Variants in CCDC150 observed in about 807,000 individuals in gnomAD.
The protein encoded by CCDC150 is coiled-coil domain containing 150.
CCDC150 carries 151 observed loss-of-function variants against 156.5 expected under a neutral mutation model. The observed-to-expected ratio is 0.97, with a 90% confidence interval of 0.85 to 1.10. CCDC150 has a LOEUF of 1.10. Ranked by LOEUF, CCDC150 falls within the 50% of genes least tolerant of loss-of-function variation. The pLI is 0.00. For missense variants in CCDC150, 1,312 were observed against 1,268.1 expected (o/e 1.03, Z -0.53); for synonymous variants, 452 against 429.4 (o/e 1.05, Z -0.65).
chr2:196,667,044 C>A, intron 7 of CCDC150, 196 bp downstream of exon 7: 1 of 596,530 alleles, frequency 1.7e-6, no homozygotes, highest in Non-Finnish European at 3.0e-6. Context: ...TATATTTGAC[C>A]CTGTTAATTG....
At chr2:196,666,546 G>C (rs192171146) in intron 6 of CCDC150, among the ~76,000 whole-genome samples, 173 bp from the exon 7 acceptor site, 15 of 152,274 alleles carry the variant, frequency 9.9e-5, no homozygotes, top group African/African-American at 3.4e-4. Context: ...GGTTCTATTG[G>C]ATGGCACTGC....
At position 196,639,734 on chromosome 2, in the gene CCDC150, C is replaced by A; in HGVS notation, c.-33C>A. On this transcript the variant is annotated 5_prime_UTR_variant, in exon 1 of 28. Transcript: ENST00000389175. The stretch of plus-strand genomic sequence containing the variant: ...TGTGTTAGTTCCACGGAAACCCGCT[C>A]GCCTGCTGCAGTACGGAGCCTCAGG... 6.5e-7 allele frequency: 1 copy of A among 1,532,508 alleles called. No individual in the cohort carries two copies. 94.9% of individuals were successfully genotyped at this position (1,532,508 alleles called of 1,614,324 possible). A position where few individuals can be genotyped will look rare whatever the true frequency, so the allele number is the denominator to read the frequency against.
rs397987214 is a variant in CCDC150, at chr2:196,671,427, CTTTTTTTTTTT to C, written c.937-908_937-898del. On this transcript the variant is annotated intron_variant, in intron 8 of 27. Coordinates refer to ENST00000389175, the MANE Select transcript of CCDC150 (RefSeq NM_001080539.2). Reference sequence around the variant, plus strand: ...GCACATTTTTCTTTCTTTTCTCTCTCTTTTTTTTTTTTTTTTTTTTGAGACGGAGTCTCACT... The same window carrying C: ...GCACATTTTTCTTTCTTTTCTCTCTCTTTTTTTTTGAGACGGAGTCTCACT... 1.8e-4 allele frequency among the ~76,000 whole-genome samples: 20 copies of C among 108,652 alleles called. No homozygotes were observed. The East Asian group carries it at 3.2e-3, about 17-fold the overall frequency. 71.3% of individuals were successfully genotyped at this position (108,652 alleles called of 152,430 possible).
chr2:196,655,949 A>G (rs1693162176), intron 2 of CCDC150, among the ~76,000 whole-genome samples: 1 of 152,106 alleles, frequency 6.6e-6, no homozygotes. Flanking sequence ...AGCCCAGTTA[A>G]TTCCCTGATG....
intron 5 of CCDC150, among the ~76,000 whole-genome samples, chr2:196,662,269 T>C (rs1167817629): frequency 1.3e-5 from 2 of 152,152 alleles, no homozygotes; most frequent in African/African-American, 4.8e-5. Context: ...AAATGGTCAA[T>C]AGATTTGACC....
chr2:196,651,309 AATTG>A (rs1449197315), intron 2 of CCDC150, among the ~76,000 whole-genome samples: 1 of 152,230 alleles, frequency 6.6e-6, no homozygotes, highest in African/African-American at 2.4e-5. Context: ...CTAGAGATAT[AATTG>A]ATTAATAACC....
intron 12 of CCDC150, chr2:196,676,969 C>T (rs1477630388): frequency 3.1e-6 from 2 of 643,908 alleles, no homozygotes; most frequent in East Asian, 5.8e-5. Context: ...ATTCACACAT[C>T]CTGGTGTTAG....
chr2:196,698,940 T>C (rs111942386), intron 14 of CCDC150, among the ~76,000 whole-genome samples: 6 of 152,324 alleles, frequency 3.9e-5, no homozygotes, highest in African/African-American at 1.2e-4. Flanking sequence ...TGTGGTATTA[T>C]TGACCATCCT....
At chr2:196,717,851 A>T (rs1697628273) in intron 17 of CCDC150, among the ~76,000 whole-genome samples, 1 of 150,906 alleles carries the variant, frequency 6.6e-6, no homozygotes. Context: ...AGATCATGCC[A>T]TTGCACTCCA....
chr2:196,665,636 C>A lies in CCDC150; in HGVS notation c.715C>A (p.Leu239Ile). ...SLEKSASAMLLKIQEMGSTVE... is the reference protein window; with the variant it reads ...SLEKSASAMLIKIQEMGSTVE... ...AGAGAAATCAGCATCAGCCATGCTC[C>A]TCAAAATACAAGAAATGGGATCAAC... is the stretch of plus-strand genomic sequence containing the variant. Residue 239 changes from leucine (L) to isoleucine (I), a missense_variant, in exon 6 of 28, where the codon CTC (leucine) becomes ATC (isoleucine). Coordinates refer to ENST00000389175, the MANE Select transcript of CCDC150 (RefSeq NM_001080539.2). 1 of 1,603,908 alleles carries A rather than the reference C, an allele frequency of 6.2e-7. No homozygotes were observed. The highest frequency in any genetic ancestry group is 2.2e-5 in the East Asian group (1 of 44,482).
chr2:196,684,718 C>T (rs1439778723), intron 13 of CCDC150, among the ~76,000 whole-genome samples: 2 of 151,994 alleles, frequency 1.3e-5, no homozygotes, highest in East Asian at 1.9e-4. Flanking sequence ...GCTTCATATA[C>T]TTGTGGCCTC....
intron 19 of CCDC150, 55 bp downstream of exon 19, chr2:196,719,721 A>T: frequency 7.8e-7 from 1 of 1,287,478 alleles, no homozygotes; most frequent in South Asian, 2.1e-5. Context: ...ACTAAGGAGC[A>T]GTGTCAAGTC....
intron 17 of CCDC150, chr2:196,713,525 A>G (rs1055584221): frequency 1.3e-5 from 20 of 1,550,586 alleles, no homozygotes; most frequent in African/African-American, 9.6e-5. Context: ...CCTGCCTTCT[A>G]TGAAAACATC....
At chr2:196,661,755 GA>G (rs1351879836) in intron 5 of CCDC150, among the ~76,000 whole-genome samples, 1 of 152,136 alleles carries the variant, frequency 6.6e-6, no homozygotes, top group Non-Finnish European at 1.5e-5. Context: ...TAGTACTTCA[GA>G]AACAAATACT....
At chr2:196,646,527 C>T in intron 2 of CCDC150, 23 bp downstream of exon 2, 5 of 1,600,578 alleles carry the variant, frequency 3.1e-6, no homozygotes, top group Non-Finnish European at 4.3e-6. Flanking sequence ...AACTACATCT[C>T]TGTAGGTTGA....
At chr2:196,708,806 C>A (rs1245761658) in intron 15 of CCDC150, among the ~76,000 whole-genome samples, 1 of 152,168 alleles carries the variant, frequency 6.6e-6, no homozygotes, top group Non-Finnish European at 1.5e-5. Flanking sequence ...GTTGAAAATT[C>A]TTTTCTTTAA....
At chr2:196,680,172 G>T (rs571846369) in intron 13 of CCDC150, among the ~76,000 whole-genome samples, 107 of 152,038 alleles carry the variant, frequency 7.0e-4, no homozygotes, top group African/African-American at 2.4e-3. Flanking sequence ...TTGAATTTTT[G>T]CCTAACCTAG....
chr2:196,712,481 A>T (rs1264660715), intron 16 of CCDC150, 196 bp from the exon 17 acceptor site: 3 of 590,562 alleles, frequency 5.1e-6, no homozygotes, highest in Non-Finnish European at 9.1e-6. Context: ...CTTGCTTATT[A>T]TAGTTAGGAA....
Position 196,666,760 on chromosome 2 carries a change from T to C in CCDC150, c.804T>C (p.Ser268=). ...LQQNCIALRD[S]IQSAQELLAQ... The stretch of plus-strand genomic sequence containing the variant: ...AAAACTGCATTGCTCTACGTGATTC[T>C]ATACAGAGCGCTCAAGAACTACTGG... The change falls in exon 7 of 28, where the codon TCT becomes TCC. Residue 268 remains serine, a synonymous_variant. Transcript: ENST00000389175. 2 of 1,612,766 alleles carry C rather than the reference T, an allele frequency of 1.2e-6. No individual in the cohort carries two copies. Among genetic ancestry groups the C allele is most frequent in the Non-Finnish European group, 1.7e-6 (2 of 1,179,230 alleles).
Sources: allele counts gnomAD v4.1 joint callset (sites outside exome capture counted in the v4.1 genomes callset), GRCh38; gene constraint gnomAD v4.1.1; transcripts MANE v1.5; gene names NCBI Gene and HGNC (gene_info 2026-07-23, HGNC 2026-07-21).